The following VAMP1 variants were observed in gnomAD, a reference collection of about 807,000 sequenced individuals.
VAMP1 encodes the protein vesicle-associated membrane protein 1.
A neutral mutation model predicts 19.1 loss-of-function variants in VAMP1; 16 were observed. That is an observed-to-expected ratio of 0.84 (90% CI 0.57 to 1.27). VAMP1 has a LOEUF of 1.27. Ranked by LOEUF, VAMP1 falls within the 50% of genes most tolerant of loss-of-function variation. The pLI, the probability that VAMP1 is intolerant of heterozygous loss-of-function variation, is 0.00. For synonymous variants in VAMP1, 37 were observed against 50.2 expected (o/e 0.74, Z 1.11); for missense variants, 109 against 145.4 (o/e 0.75, Z 1.29).
Position 6,464,239 on chromosome 12 carries a change from G to A in VAMP1, c.*231C>T, listed in dbSNP as rs932792362. On this transcript the variant is annotated 3_prime_UTR_variant, in exon 5 of 5. Transcript: ENST00000396308. ...GAGTACAGAAAAAGCAGGCAGGGAG[G>A]AGGCGCCAGCTGTTGCTCTTCGGGT... 8.6e-6 allele frequency: 13 copies of A among 1,519,472 alleles called. No individual in the cohort carries two copies. Among genetic ancestry groups the A allele is most frequent in the Non-Finnish European group, 1.1e-5 (13 of 1,133,680 alleles). The allele number at this position is 1,519,472 out of a possible 1,614,324, so 94.1% of individuals were successfully genotyped here. A position where few individuals can be genotyped will look rare whatever the true frequency, so the allele number is the denominator to read the frequency against.
At position 6,463,973 on chromosome 12, in the gene VAMP1, A is replaced by G; in HGVS notation, c.*497T>C. On this transcript the variant is annotated 3_prime_UTR_variant, in exon 5 of 5. Transcript: ENST00000396308. The surrounding 1 kb of genome is among the most constrained non-coding windows in gnomAD (Gnocchi z 4.0). ...AGTTGGACTTTGGTCCACCCCCAGG[A>G]CCCTCTTCAGGCCTGGTCCAGGAAG... The G allele has an allele frequency of 1.5e-6, 2 of 1,290,598 alleles. No homozygotes were observed. The highest frequency in any genetic ancestry group is 3.0e-5 in the African/African-American group (2 of 66,036). The allele number at this position is 1,290,598 out of a possible 1,614,324, so 79.9% of individuals were successfully genotyped here.
intron 1 of VAMP1, among the ~76,000 whole-genome samples, chr12:6,468,546 T>G (rs1485864272): frequency 6.6e-6 from 1 of 152,234 alleles, no homozygotes; most frequent in Admixed American, 6.5e-5. Context: ...CTAGAAATTG[T>G]CCTCAATGTG....
chr12:6,464,142 C>T lies in VAMP1; in HGVS notation c.*328G>A. On this transcript the variant is annotated 3_prime_UTR_variant, in exon 5 of 5. Coordinates refer to ENST00000396308, the MANE Select transcript of VAMP1 (RefSeq NM_014231.5). ...CCAAGTCTGGGCAGCTTCATGGGTACTTCGCCTCAGCCACTCCCCTCCCTG... is the reference window on the plus strand; with the variant it reads ...CCAAGTCTGGGCAGCTTCATGGGTATTTCGCCTCAGCCACTCCCCTCCCTG... 5.1e-6 allele frequency: 7 copies of T among 1,384,452 alleles called. No individual in the cohort carries two copies. Among genetic ancestry groups the T allele is most frequent in the Non-Finnish European group, 6.7e-6 (7 of 1,050,104 alleles). The allele number at this position is 1,384,452 out of a possible 1,614,324, so 85.8% of individuals were successfully genotyped here.
Position 6,464,471 on chromosome 12 carries a change from CAAGTA to C in VAMP1, c.351_355del (p.Phe117LeufsTer131). The stretch of plus-strand genomic sequence containing the variant: ...CAACAGGGAAGGGGTGGTACATTCT[CAAGTA>C]AAAAAGTAGACTGGACACAGGAATC... On this transcript the variant is annotated frameshift_variant and stop_lost, in exon 5 of 5. Transcript: ENST00000396308. LOFTEE classifies it high-confidence loss of function. 6.5e-7 allele frequency: 1 copy of C among 1,542,720 alleles called. No homozygotes were observed. Among genetic ancestry groups the C allele is most frequent in the Non-Finnish European group, 8.7e-7 (1 of 1,143,648 alleles).
intron 1 of VAMP1, 176 bp from the exon 2 acceptor site, chr12:6,466,527 G>T: frequency 1.7e-6 from 1 of 582,948 alleles, no homozygotes; most frequent in Non-Finnish European, 2.9e-6. Flanking sequence ...TAAAAAAACA[G>T]ACAAAAAGAA....
chr12:6,462,574 T>C lies in VAMP1; in HGVS notation c.*1896A>G, dbSNP rs1337073968. Reference sequence around the variant, plus strand: ...GGTACAGGGTGGGTGAGAAAGAAAGTAGAAGGGCTAATACCCCCAAAGAAC... The same window carrying C: ...GGTACAGGGTGGGTGAGAAAGAAAGCAGAAGGGCTAATACCCCCAAAGAAC... On this transcript the variant is annotated 3_prime_UTR_variant, in exon 5 of 5. Coordinates refer to ENST00000396308, the MANE Select transcript of VAMP1 (RefSeq NM_014231.5). 4 of 559,888 alleles carry C rather than the reference T, an allele frequency of 7.1e-6. No homozygotes were observed. Among genetic ancestry groups the C allele is most frequent in the Non-Finnish European group, 1.3e-5 (4 of 317,882 alleles). The allele number at this position is 559,888 out of a possible 1,614,324, so 34.7% of individuals were successfully genotyped here. A position where few individuals can be genotyped will look rare whatever the true frequency, so the allele number is the denominator to read the frequency against.
At chr12:6,468,714 T>G (rs1303813589) in intron 1 of VAMP1, among the ~76,000 whole-genome samples, 1 of 152,190 alleles carries the variant, frequency 6.6e-6, no homozygotes, top group Non-Finnish European at 1.5e-5. Context: ...GTGTGTGGTC[T>G]TCAAGACAAA....
chr12:6,463,698 G>T lies in VAMP1; in HGVS notation c.*772C>A. Reference sequence around the variant, plus strand: ...ACTACCAGCTAGATGGATTTATTTGGTGCCCTCATACAGAATGCTGTAGAA... The same window carrying T: ...ACTACCAGCTAGATGGATTTATTTGTTGCCCTCATACAGAATGCTGTAGAA... On this transcript the variant is annotated 3_prime_UTR_variant, in exon 5 of 5. Coordinates refer to ENST00000396308, the MANE Select transcript of VAMP1 (RefSeq NM_014231.5). The surrounding 1 kb of genome is among the most constrained non-coding windows in gnomAD (Gnocchi z 4.0). 2 of 1,103,888 alleles carry T rather than the reference G, an allele frequency of 1.8e-6. No individual in the cohort carries two copies. The highest frequency in any genetic ancestry group is 7.8e-5 in the East Asian group (1 of 12,804). The allele number at this position is 1,103,888 out of a possible 1,614,324, so 68.4% of individuals were successfully genotyped here.
chr12:6,464,587 A>G (rs1037342597), intron 4 of VAMP1, 101 bp from the exon 5 acceptor site: 114 of 1,461,200 alleles, frequency 7.8e-5, no homozygotes, highest in Non-Finnish European at 1.0e-4. Context: ...AGGTCTCTCC[A>G]TTGTTAAGTG....
intron 1 of VAMP1, among the ~76,000 whole-genome samples, 158 bp downstream of exon 1, chr12:6,470,372 C>T (rs1011814947): frequency 6.6e-6 from 1 of 152,064 alleles, no homozygotes; most frequent in African/African-American, 2.4e-5. Context: ...GTGCTGGCCC[C>T]CCTCCCTGGG....
Position 6,470,552 on chromosome 12 carries a change from G to A in VAMP1, c.-21C>T. On this transcript the variant is annotated 5_prime_UTR_variant, in exon 1 of 5. Transcript: ENST00000396308. ...CACATTTTTCTGACAGAGAGAGTGA[G>A]GGTCTGTTCCTCTCCGGAGGCTGCG... 1.2e-6 allele frequency: 2 copies of A among 1,613,974 alleles called. No individual in the cohort carries two copies. The highest frequency in any genetic ancestry group is 1.7e-6 in the Non-Finnish European group (2 of 1,179,890).
intron 3 of VAMP1, chr12:6,465,373 AATGTATATAT>A: frequency 9.6e-6 from 1 of 103,976 alleles, no homozygotes; most frequent in Non-Finnish European, 1.9e-5. Context: ...TATATATATA[AATGTATATAT>A]ATGTATATAT....
intron 3 of VAMP1, 98 bp from the exon 4 acceptor site, chr12:6,465,039 CAA>C: frequency 6.4e-7 from 1 of 1,560,772 alleles, no homozygotes; most frequent in Non-Finnish European, 8.7e-7. Flanking sequence ...ATCCTTGGGA[CAA>C]TGGAAAAAAC....
In VAMP1 at chr12:6,463,316, C is replaced by T. The variant is rs71584836; in HGVS notation, c.*1154G>A. On this transcript the variant is annotated 3_prime_UTR_variant, in exon 5 of 5. Coordinates refer to ENST00000396308, the MANE Select transcript of VAMP1 (RefSeq NM_014231.5). The surrounding 1 kb of genome is among the most constrained non-coding windows in gnomAD (Gnocchi z 4.0). ...CAAGCACACCTGACACAGGCTGGCA[C>T]GCCTCCCCCCAAGGTGGGGCTGGTG... The T allele has an allele frequency of 9.5e-3, 11,365 of 1,195,436 alleles. 76 individuals carry two copies. The highest frequency in any genetic ancestry group is 0.01 in the Non-Finnish European group (9,909 of 957,126). The allele number at this position is 1,195,436 out of a possible 1,614,324, so 74.1% of individuals were successfully genotyped here.
At chr12:6,470,487 G>C in intron 1 of VAMP1, 43 bp downstream of exon 1, 2 of 1,613,702 alleles carry the variant, frequency 1.2e-6, no homozygotes, top group Non-Finnish European at 1.7e-6. Context: ...TGGGGCGAGA[G>C]TTGTCAAGGA....
Position 6,470,635 on chromosome 12 carries a change from C to A in VAMP1, c.-104G>T. ...AGTGGACGGAACTGCCAAGCTCCGC[C>A]TCGCGCCGACTACCCCGCGGTCTAG... On this transcript the variant is annotated 5_prime_UTR_variant, in exon 1 of 5. The change creates a new upstream start codon in the 5' untranslated region. Coordinates refer to ENST00000396308, the MANE Select transcript of VAMP1 (RefSeq NM_014231.5). 1 of 1,488,652 alleles carries A rather than the reference C, an allele frequency of 6.7e-7. No homozygotes were observed. Among genetic ancestry groups the A allele is most frequent in the South Asian group, 1.2e-5 (1 of 86,526 alleles). The allele number at this position is 1,488,652 out of a possible 1,614,324, so 92.2% of individuals were successfully genotyped here.
chr12:6,470,612 TG>T lies in VAMP1; in HGVS notation c.-82del, dbSNP rs1252154706. 5.1e-6 allele frequency: 8 copies of T among 1,580,866 alleles called. No homozygotes were observed. Among genetic ancestry groups the T allele is most frequent in the Non-Finnish European group, 6.1e-6 (7 of 1,153,250 alleles). On this transcript the variant is annotated 5_prime_UTR_variant, in exon 1 of 5. Transcript: ENST00000396308. ...CCGGTGAGGGACGCTGCGGCTGAAG[TG>T]GACGGAACTGCCAAGCTCCGCCTCG...
At position 6,462,479 on chromosome 12, in the gene VAMP1, T is replaced by A. The variant is rs548896687; in HGVS notation, c.*1991A>T. ...TTCATTTGACTGCAAAGTCCCAGGG[T>A]TTTGTTGCACATTTGCTCATGCACA... is the stretch of plus-strand genomic sequence containing the variant. On this transcript the variant is annotated 3_prime_UTR_variant, in exon 5 of 5. Coordinates refer to ENST00000396308, the MANE Select transcript of VAMP1 (RefSeq NM_014231.5). 2.0e-6 allele frequency: 1 copy of A among 488,942 alleles called. No homozygotes were observed. The highest frequency in any genetic ancestry group is 1.9e-5 in the African/African-American group (1 of 51,520). 30.3% of individuals were successfully genotyped at this position (488,942 alleles called of 1,614,324 possible).
At chr12:6,469,247 A>G (rs183496043) in intron 1 of VAMP1, among the ~76,000 whole-genome samples, 3 of 152,354 alleles carry the variant, frequency 2.0e-5, no homozygotes, top group African/African-American at 7.2e-5. Context: ...TCTCGACTTA[A>G]GGCAGAAAAT....
Sources: allele counts gnomAD v4.1 joint callset (sites outside exome capture counted in the v4.1 genomes callset), GRCh38; gene constraint gnomAD v4.1.1; non-coding constraint Gnocchi (gnomAD v3.1); transcripts MANE v1.5; gene names NCBI Gene and HGNC (gene_info 2026-07-23, HGNC 2026-07-21).